The following MTX2 variants were observed in gnomAD, a reference collection of about 807,000 sequenced individuals.
MTX2 encodes the protein metaxin 2.
A neutral mutation model predicts 42.3 loss-of-function variants in MTX2; 35 were observed. That is an observed-to-expected ratio of 0.83 (90% confidence interval 0.63 to 1.10). The LOEUF (loss-of-function observed/expected upper bound fraction) is 1.10, where lower values mean the gene tolerates loss of function less well. MTX2 is among the 50% of genes least tolerant of loss of function. The pLI is 0.00. For synonymous variants in MTX2, 119 were observed against 100.9 expected (o/e 1.18, Z -1.08); for missense variants, 307 against 304.1 (o/e 1.01, Z -0.07).
rs565664279 is a variant in MTX2 at position 176,302,010 on chromosome 2, ACTTT to A, written c.135+4118_135+4121del. Among the ~76,000 whole-genome samples the A allele has an allele frequency of 3.4e-3, 510 of 152,144 alleles. 4 individuals are homozygous for A. The highest frequency in any genetic ancestry group is 5.2e-3 in the Non-Finnish European group (352 of 67,984). On this transcript the variant is annotated intron_variant, in intron 3 of 9. Transcript: ENST00000249442. The stretch of plus-strand genomic sequence containing the variant: ...GAGTGTCTTTATATAATAAAATGTT[ACTTT>A]CTAATAAGTTTTAGAAGTCCAATGT...
intron 1 of MTX2, among the ~76,000 whole-genome samples, chr2:176,295,467 A>C (rs929013297): frequency 6.6e-6 from 1 of 152,114 alleles, no homozygotes; most frequent in African/African-American, 2.4e-5. Flanking sequence ...GTTGACAGCA[A>C]AATATTTTGT....
intron 1 of MTX2, among the ~76,000 whole-genome samples, chr2:176,291,637 A>G (rs1219171652): frequency 1.3e-5 from 2 of 152,160 alleles, no homozygotes; most frequent in Admixed American, 6.5e-5. Flanking sequence ...CCAGTGCAAC[A>G]TGAAAGTGTT....
chr2:176,293,882 T>G lies in MTX2; in HGVS notation c.41-2978T>G, dbSNP rs142197368. Among the ~76,000 whole-genome samples the G allele has an allele frequency of 4.6e-5, 7 of 152,328 alleles. No individual in the cohort carries two copies. In the East Asian group the frequency reaches 1.4e-3, roughly 29 times the overall value. The stretch of plus-strand genomic sequence containing the variant: ...AGGTAAGATAGGCAGCTGTTCATTC[T>G]TTGTATACTCTACCATTTCTTGTCT... On this transcript the variant is annotated intron_variant, in intron 1 of 9. Coordinates refer to ENST00000249442, the MANE Select transcript of MTX2 (RefSeq NM_006554.5).
intron 4 of MTX2, among the ~76,000 whole-genome samples, 189 bp downstream of exon 4, chr2:176,323,653 A>G (rs565858672): frequency 4.0e-4 from 61 of 151,850 alleles, no homozygotes; most frequent in Middle Eastern, 3.4e-3. Flanking sequence ...ATTCATTTCA[A>G]CTGTGATCAG....
chr2:176,337,642 G>A lies in MTX2; in HGVS notation c.770G>A (p.Arg257His), dbSNP rs759284562. The change falls in exon 10 of 10, where the codon CGT (arginine) becomes CAT (histidine). Residue 257 changes from arginine (R) to histidine (H), a missense_variant. Arg to His is a conservative substitution (Grantham distance 29, BLOSUM62 0). Coordinates refer to ENST00000249442, the MANE Select transcript of MTX2 (RefSeq NM_006554.5). Reference protein sequence around the residue: ...RRIEQHYFEDRGKGRLS With the variant: ...RRIEQHYFEDHGKGRLS ...ATTGAACAGCACTATTTTGAAGATC[G>A]TGGTAAAGGCAGGCTGTCATAGAGT... is the stretch of plus-strand genomic sequence containing the variant. 7.5e-6 allele frequency: 12 copies of A among 1,609,360 alleles called. No individual in the cohort carries two copies. The African/African-American group carries it at 8.0e-5, about 11-fold the overall frequency.
chr2:176,321,276 G>A (rs1477808834), intron 3 of MTX2, among the ~76,000 whole-genome samples: 1 of 152,066 alleles, frequency 6.6e-6, no homozygotes. Context: ...CTATCTTTGT[G>A]GGTCAGTCAG....
intron 1 of MTX2, among the ~76,000 whole-genome samples, chr2:176,287,894 CTGCT>C (rs1693243345): frequency 4.4e-5 from 6 of 137,846 alleles, no homozygotes; most frequent in African/African-American, 1.6e-4. Context: ...GCAATACTGA[CTGCT>C]TTTTTTTTTT....
chr2:176,323,490 G>A, intron 4 of MTX2, 26 bp downstream of exon 4: 1 of 1,580,198 alleles, frequency 6.3e-7, no homozygotes, highest in Non-Finnish European at 8.7e-7. Context: ...TTTCTTCTCT[G>A]TTAATATTAT....
chr2:176,273,095 G>A (rs1336253484), intron 1 of MTX2, among the ~76,000 whole-genome samples: 1 of 152,170 alleles, frequency 6.6e-6, no homozygotes, highest in African/African-American at 2.4e-5. Flanking sequence ...GCCAGGGAGG[G>A]CAAGAGCCAG....
chr2:176,290,741 A>G (rs925681291), intron 1 of MTX2, among the ~76,000 whole-genome samples: 4 of 149,540 alleles, frequency 2.7e-5, no homozygotes, highest in African/African-American at 9.9e-5. Context: ...CTCCTAGGGA[A>G]TAACTAGTTT....
At chr2:176,315,041 A>T (rs1684404491) in intron 3 of MTX2, among the ~76,000 whole-genome samples, 1 of 152,178 alleles carries the variant, frequency 6.6e-6, no homozygotes, top group Non-Finnish European at 1.5e-5. Flanking sequence ...AGTTGTGTGC[A>T]TAAAAGAGGT....
intron 3 of MTX2, among the ~76,000 whole-genome samples, chr2:176,299,416 AGTGT>A (rs1403074468): frequency 6.6e-6 from 1 of 152,136 alleles, no homozygotes; most frequent in Non-Finnish European, 1.5e-5. Flanking sequence ...AATAAATCTT[AGTGT>A]GTATTTTATT....
intron 3 of MTX2, among the ~76,000 whole-genome samples, chr2:176,312,275 A>G (rs907671976): frequency 2.0e-5 from 3 of 152,170 alleles, no homozygotes; most frequent in Non-Finnish European, 4.4e-5. Flanking sequence ...TATTTTTAGG[A>G]ATATCTATGG....
At chr2:176,328,846 A>G (rs371460485) in intron 6 of MTX2, 28 bp from the exon 7 acceptor site, 3 of 1,595,622 alleles carry the variant, frequency 1.9e-6, no homozygotes, top group Non-Finnish European at 1.7e-6. Context: ...GGTATTCTAA[A>G]GTTTAGTGAC....
chr2:176,314,569 A>C (rs1040822486), intron 3 of MTX2, among the ~76,000 whole-genome samples: 1 of 152,162 alleles, frequency 6.6e-6, no homozygotes, highest in African/African-American at 2.4e-5. Flanking sequence ...GGGATTGAAG[A>C]CTTGAAATTA....
At chr2:176,320,348 C>G (rs936149477) in intron 3 of MTX2, among the ~76,000 whole-genome samples, 9 of 152,220 alleles carry the variant, frequency 5.9e-5, no homozygotes, top group Admixed American at 5.9e-4. Context: ...ATAGTTACCA[C>G]TACGCATGTA....
chr2:176,320,695 C>A (rs1483563644), intron 3 of MTX2, among the ~76,000 whole-genome samples: 4 of 131,908 alleles, frequency 3.0e-5, no homozygotes, highest in Non-Finnish European at 4.9e-5. Flanking sequence ...TTTACTTATT[C>A]TTTTTTTTTT....
chr2:176,270,459 T>TGAAA, intron 1 of MTX2: 1 of 1,287,210 alleles, frequency 7.8e-7, no homozygotes, highest in African/African-American at 1.5e-5. Context: ...TTTATTGTAA[T>TGAAA]GAAAGAAATT....
At chr2:176,297,043 G>T (rs1683904993) in intron 2 of MTX2, 136 bp downstream of exon 2, 1 of 966,622 alleles carries the variant, frequency 1.0e-6, no homozygotes, top group Non-Finnish European at 1.5e-6. Context: ...TGTCTAGGAG[G>T]TTTTACCTGA....
Sources: gnomAD v4.1 joint callset for allele counts (sites outside exome capture counted in the v4.1 genomes callset) on GRCh38, gnomAD v4.1.1 for gene constraint, MANE v1.5 for transcripts, NCBI Gene and HGNC (gene_info 2026-07-23, HGNC 2026-07-21) for gene names.